NDUFA10: variants seen among roughly 807,000 people sequenced by gnomAD.
NDUFA10 encodes NADH dehydrogenase [ubiquinone] 1 alpha subcomplex subunit 10, mitochondrial.
A neutral mutation model predicts 47.8 loss-of-function variants in NDUFA10; 40 were observed. The observed-to-expected ratio is 0.84, with a 90% CI of 0.65 to 1.09. NDUFA10 has a LOEUF of 1.09. NDUFA10 is among the 50% of genes least tolerant of loss of function. The pLI, the probability that NDUFA10 is intolerant of heterozygous loss-of-function variation, is 0.00. For missense variants in NDUFA10, 413 were observed against 451.1 expected (o/e 0.92, Z 0.76); for synonymous variants, 183 against 172.2 (o/e 1.06, Z -0.49).
intron 4 of NDUFA10, among the ~76,000 whole-genome samples, chr2:239,933,514 G>GT (rs959104864): frequency 4.1e-5 from 3 of 73,610 alleles, no homozygotes; most frequent in Non-Finnish European, 7.8e-5. Context: ...TTTTTTTTTT[G>GT]TTTTTTTGTT....
intron 4 of NDUFA10, among the ~76,000 whole-genome samples, chr2:239,911,762 C>G (rs566556678): frequency 6.6e-6 from 1 of 151,902 alleles, no homozygotes; most frequent in African/African-American, 2.4e-5. Flanking sequence ...ATCCCCCAGT[C>G]TCTCTCTTGT....
In NDUFA10 at chr2:239,906,300, G is replaced by T. The variant is rs573427818; in HGVS notation, c.295-10986C>A. ...AGCTCTTAGCAAAACTGCGGCTTCA[G>T]TTGTGCCTTGCTGACTGTCTAGGCA... On this transcript the variant is annotated intron_variant, in intron 4 of 5. Coordinates refer to the NDUFA10 transcript ENST00000419408. The surrounding 1 kb of genome is among the most constrained non-coding windows in gnomAD (Gnocchi z 4.3). Among the ~76,000 whole-genome samples the T allele has an allele frequency of 2.2e-4, 33 of 152,296 alleles. No individual in the cohort carries two copies. The highest frequency in any genetic ancestry group is 7.5e-4 in the African/African-American group (31 of 41,560).
intron 4 of NDUFA10, among the ~76,000 whole-genome samples, chr2:239,904,174 G>C (rs1203204418): frequency 6.6e-6 from 1 of 152,160 alleles, no homozygotes. Context: ...CCCAGAGATG[G>C]CCAGAACCTT....
chr2:239,902,378 G>A (rs545049580), intron 4 of NDUFA10, among the ~76,000 whole-genome samples: 20 of 152,134 alleles, frequency 1.3e-4, no homozygotes, highest in East Asian at 7.7e-4. Flanking sequence ...TACAACTTGC[G>A]GAAGGCTCTG....
At chr2:239,944,290 C>T (rs1248157664) in intron 4 of NDUFA10, among the ~76,000 whole-genome samples, 4 of 152,228 alleles carry the variant, frequency 2.6e-5, no homozygotes, top group African/African-American at 9.6e-5. Flanking sequence ...TGCCAAAGTC[C>T]CCGGGGGCAG....
chr2:239,983,495 T>C (rs761061468), intron 9 of NDUFA10: 4 of 1,582,530 alleles, frequency 2.5e-6, no homozygotes, highest in Non-Finnish European at 3.4e-6. Flanking sequence ...CAAAATCCTC[T>C]AAACAGTCAG....
intron 9 of NDUFA10, among the ~76,000 whole-genome samples, chr2:239,981,848 T>C (rs929705659): frequency 6.6e-6 from 1 of 152,040 alleles, no homozygotes; most frequent in African/African-American, 2.4e-5. Context: ...ATTGGGATTA[T>C]AGAAATTCTC....
chr2:239,910,524 C>A (rs772324717), intron 4 of NDUFA10, among the ~76,000 whole-genome samples: 2 of 152,024 alleles, frequency 1.3e-5, no homozygotes, highest in Non-Finnish European at 2.9e-5. Flanking sequence ...GATGAGAACA[C>A]GGACACATCG....
At chr2:239,962,972 A>G (rs1239376226) in intron 9 of NDUFA10, among the ~76,000 whole-genome samples, 1 of 151,934 alleles carries the variant, frequency 6.6e-6, no homozygotes, top group Non-Finnish European at 1.5e-5. Flanking sequence ...ACCAGACCCC[A>G]CCTCCAACAG....
Position 239,952,011 on chromosome 2 carries a change from G to A in NDUFA10, c.294+38063C>T, listed in dbSNP as rs559492858. ...TAGGTGCTGTGGCATGGGTCCTGGG[G>A]TGTGGGCCGGCAGGGGCCAAAGGCT... On this transcript the variant is annotated intron_variant, in intron 4 of 5. Transcript: ENST00000419408. 6.6e-5 allele frequency among the ~76,000 whole-genome samples: 10 copies of A among 152,346 alleles called. No individual in the cohort carries two copies. In the East Asian group the frequency reaches 1.9e-3, roughly 29 times the overall value.
intron 4 of NDUFA10, among the ~76,000 whole-genome samples, chr2:239,913,466 G>C (rs1054913298): frequency 8.5e-5 from 13 of 152,206 alleles, no homozygotes; most frequent in African/African-American, 3.1e-4. Context: ...TCATCTCTAA[G>C]GGGCTCAGCA....
chr2:239,899,009 A>G (rs531620853), intron 4 of NDUFA10, among the ~76,000 whole-genome samples: 1 of 95,764 alleles, frequency 1.0e-5, no homozygotes. Flanking sequence ...GAGAGGTGTG[A>G]TGGAGGGGAG....
At chr2:239,909,787 G>T (rs1208671668) in intron 4 of NDUFA10, among the ~76,000 whole-genome samples, 1 of 152,110 alleles carries the variant, frequency 6.6e-6, no homozygotes, top group Non-Finnish European at 1.5e-5. Context: ...CACAGCAAAA[G>T]AAACTATCTA....
chr2:239,981,950 T>C (rs2106429263), intron 9 of NDUFA10, among the ~76,000 whole-genome samples: 1 of 151,036 alleles, frequency 6.6e-6, no homozygotes, highest in South Asian at 2.1e-4. Flanking sequence ...AGCAGGGTAA[T>C]GGGCTTCTAA....
At chr2:239,929,648 G>T (rs113129352) in intron 4 of NDUFA10, among the ~76,000 whole-genome samples, 1 of 150,114 alleles carries the variant, frequency 6.7e-6, no homozygotes, top group East Asian at 2.0e-4. Context: ...CTCCTCCACC[G>T]CCCCTGCTTC....
intron 4 of NDUFA10, among the ~76,000 whole-genome samples, chr2:239,903,788 T>C (rs1693597060): frequency 1.3e-5 from 2 of 152,242 alleles, no homozygotes; most frequent in Non-Finnish European, 2.9e-5. Context: ...GGGTCCTTTT[T>C]GTTGGCAGCT....
rs754283312 is a variant in NDUFA10, at chr2:240,018,613, T to A, written c.487A>T (p.Ile163Phe). 3 of 1,614,066 alleles carry A rather than the reference T, an allele frequency of 1.9e-6. No homozygotes were observed. Among genetic ancestry groups the A allele is most frequent in the Admixed American group, 1.7e-5 (1 of 60,002 alleles). Residue 163 changes from isoleucine to phenylalanine, a missense_variant, in exon 4 of 10, where the codon ATC becomes TTC. Transcript: ENST00000252711. ...TCCAGGAACACAAAGTCACTGAAGA[T>A]GGAGCGCTCCAACACAACACCTTGT... is the stretch of plus-strand genomic sequence containing the variant. The part of the protein sequence containing the change: ...TGQGVVLERS[I>F]FSDFVFLEAM...
intron 4 of NDUFA10, among the ~76,000 whole-genome samples, chr2:239,935,831 G>A (rs1163034416): frequency 6.6e-6 from 1 of 152,186 alleles, no homozygotes; most frequent in African/African-American, 2.4e-5. Context: ...CCATGATTGT[G>A]AGGCCTCCCC....
At chr2:239,966,119 C>G (rs1695048324) in intron 9 of NDUFA10, among the ~76,000 whole-genome samples, 1 of 152,234 alleles carries the variant, frequency 6.6e-6, no homozygotes, top group South Asian at 2.1e-4. Flanking sequence ...TGTGTCAGTC[C>G]CTGGTGGCCC....
Sources: gnomAD v4.1 joint callset for allele counts (sites outside exome capture counted in the v4.1 genomes callset) on GRCh38, gnomAD v4.1.1 for gene constraint, Gnocchi (gnomAD v3.1) non-coding constraint, MANE v1.5 for transcripts, NCBI Gene and HGNC (gene_info 2026-07-23, HGNC 2026-07-21) for gene names.